The following LRRC38 variants were observed in gnomAD, a reference collection of about 807,000 sequenced individuals.
The protein encoded by LRRC38 is leucine-rich repeat-containing protein 38.
Under a neutral mutation model 16.4 loss-of-function variants are expected in LRRC38, and 5 were observed. The observed-to-expected ratio is 0.31, with a 90% CI of 0.16 to 0.64. LRRC38 has a LOEUF of 0.64. LRRC38 is among the 30% of genes least tolerant of loss of function. LRRC38 has a pLI of 0.80. For synonymous variants in LRRC38, 191 were observed against 190.2 expected (o/e 1.00, Z -0.04); for missense variants, 341 against 401.8 (o/e 0.85, Z 1.29).
chr1:13,505,786 G>T (rs1246175894), intron 1 of LRRC38, among the ~76,000 whole-genome samples: 1 of 152,112 alleles, frequency 6.6e-6, no homozygotes, highest in Non-Finnish European at 1.5e-5. Flanking sequence ...GAAGATCGGG[G>T]TCGGGGGAGG....
intron 1 of LRRC38, among the ~76,000 whole-genome samples, chr1:13,506,582 C>T (rs568531906): frequency 2.6e-5 from 4 of 152,332 alleles, no homozygotes; most frequent in South Asian, 4.1e-4. Flanking sequence ...CTCAGCCTCC[C>T]AAGTAGCTGG....
intron 1 of LRRC38, among the ~76,000 whole-genome samples, chr1:13,512,706 G>C (rs1053958011): frequency 6.6e-6 from 1 of 152,168 alleles, no homozygotes; most frequent in Non-Finnish European, 1.5e-5. Context: ...CCCGAGAAGG[G>C]GAAGGTCCCT....
chr1:13,480,378 C>T (rs1054064857), intron 1 of LRRC38, among the ~76,000 whole-genome samples: 2 of 152,190 alleles, frequency 1.3e-5, no homozygotes, highest in Admixed American at 6.6e-5. Context: ...GACATTGCTA[C>T]GTGTCCCCTG....
At chr1:13,510,776 C>T (rs1381788734) in intron 1 of LRRC38, among the ~76,000 whole-genome samples, 1 of 152,196 alleles carries the variant, frequency 6.6e-6, no homozygotes, top group Non-Finnish European at 1.5e-5. Context: ...GACACCATTA[C>T]CACATTCTGA....
At chr1:13,494,003 C>T (rs1458588362) in intron 1 of LRRC38, among the ~76,000 whole-genome samples, 2 of 152,152 alleles carry the variant, frequency 1.3e-5, no homozygotes, top group African/African-American at 2.4e-5. Context: ...GCGGAGGTTG[C>T]GGTGAGCCAA....
rs1307753891 is a variant in LRRC38 at position 13,512,968 on chromosome 1, G to A, written c.626C>T (p.Pro209Leu). Residue 209 changes from proline to leucine, a missense_variant, in exon 1 of 2, where the codon CCC becomes CTC. Physicochemically the swap from Pro to Leu is moderately conservative, Grantham distance 98 (BLOSUM62 -3). Coordinates refer to ENST00000376085, the MANE Select transcript of LRRC38 (RefSeq NM_001010847.2). ...SWIQENASKL[P>L]KGLDEIQCSL... ...GCCTAGCCGGCTCGGCTCACCTTTG[G>A]GCAGTTTGGATGCGTTCTCCTGGAT... 2.0e-5 allele frequency: 30 copies of A among 1,502,912 alleles called. No homozygotes were observed. Among genetic ancestry groups the A allele is most frequent in the Non-Finnish European group, 2.7e-5 (30 of 1,119,734 alleles). 93.1% of individuals were successfully genotyped at this position (1,502,912 alleles called of 1,614,324 possible). A position where few individuals can be genotyped will look rare whatever the true frequency, so the allele number is the denominator to read the frequency against.
In LRRC38 at chr1:13,488,559, C is replaced by T. The variant is rs549991422; in HGVS notation, c.632-12460G>A. ...TGCTGGGATTTCAGGCCTGAGCCAC[C>T]GTGACTGGCTGAACACATTCTTAAT... On this transcript the variant is annotated intron_variant, in intron 1 of 1. Transcript: ENST00000376085. 1.1e-4 allele frequency among the ~76,000 whole-genome samples: 17 copies of T among 152,240 alleles called. 1 individual carries two copies. The highest frequency in any genetic ancestry group is 7.9e-4 in the Admixed American group (12 of 15,286).
Position 13,513,214 on chromosome 1 carries a change from G to A in LRRC38, c.380C>T (p.Ala127Val). 6.4e-7 allele frequency: 1 copy of A among 1,550,512 alleles called. No individual in the cohort carries two copies. Among genetic ancestry groups the A allele is most frequent in the Non-Finnish European group, 8.7e-7 (1 of 1,146,972 alleles). ...CAGGCTAAGCTTCACCAGCCTCCCG[G>A]CCGAGCGGAAGGCGCCGGCGCCCAG... The part of the protein sequence containing the change: ...TQLGAGAFRS[A>V]GRLVKLSLAN... Residue 127 changes from alanine (A) to valine (V), a missense_variant, in exon 1 of 2, where the codon GCC becomes GTC. Ala to Val is a moderately conservative substitution (Grantham distance 64, BLOSUM62 0). Transcript: ENST00000376085.
chr1:13,482,460 C>A (rs2940312), intron 1 of LRRC38, among the ~76,000 whole-genome samples: 2 of 151,768 alleles, frequency 1.3e-5, no homozygotes, highest in East Asian at 3.9e-4. Context: ...CACGCCTCTA[C>A]TCCCAGCTAC....
At chr1:13,493,331 G>A (rs1005484470) in intron 1 of LRRC38, among the ~76,000 whole-genome samples, 1 of 151,490 alleles carries the variant, frequency 6.6e-6, no homozygotes, top group Non-Finnish European at 1.5e-5. Flanking sequence ...TCGGGGTGGG[G>A]CCTTTGGGGT....
Position 13,475,648 on chromosome 1 carries a change from G to T in LRRC38, c.*198C>A. ...AGGAATAATTCCCTCCATCCTTCCT[G>T]GGCTTCTGTGCTCTGCTGATTCTAA... On this transcript the variant is annotated 3_prime_UTR_variant, in exon 2 of 2. Coordinates refer to ENST00000376085, the MANE Select transcript of LRRC38 (RefSeq NM_001010847.2). The surrounding 1 kb of genome is among the most constrained non-coding windows in gnomAD (Gnocchi z 4.3). The T allele has an allele frequency of 1.6e-6, 1 of 635,082 alleles. No individual in the cohort carries two copies. Among genetic ancestry groups the T allele is most frequent in the Non-Finnish European group, 2.6e-6 (1 of 378,340 alleles). 39.3% of individuals were successfully genotyped at this position (635,082 alleles called of 1,614,324 possible).
chr1:13,495,206 C>T (rs1417986815), intron 1 of LRRC38, among the ~76,000 whole-genome samples: 2 of 152,170 alleles, frequency 1.3e-5, no homozygotes, highest in Admixed American at 1.3e-4. Context: ...CACGGTGGGA[C>T]AGCCCCAGTG....
intron 1 of LRRC38, among the ~76,000 whole-genome samples, chr1:13,506,000 CA>C (rs1025041491): frequency 3.6e-5 from 5 of 140,106 alleles, no homozygotes; most frequent in African/African-American, 1.3e-4. Context: ...GGAAGGTTTC[CA>C]AATATGCCCT....
intron 1 of LRRC38, among the ~76,000 whole-genome samples, chr1:13,478,334 C>T (rs1638811731): frequency 6.6e-6 from 1 of 152,240 alleles, no homozygotes; most frequent in Non-Finnish European, 1.5e-5. Flanking sequence ...GAGGTAAGTA[C>T]TGTTATTATG....
intron 1 of LRRC38, among the ~76,000 whole-genome samples, chr1:13,503,672 C>T (rs534162827): frequency 3.9e-4 from 60 of 152,308 alleles, no homozygotes; most frequent in African/African-American, 1.4e-3. Flanking sequence ...CTCATTCCTG[C>T]ACTCCTTACC....
intron 1 of LRRC38, among the ~76,000 whole-genome samples, chr1:13,481,183 C>T (rs1638849619): frequency 6.6e-6 from 1 of 152,086 alleles, no homozygotes; most frequent in Non-Finnish European, 1.5e-5. Flanking sequence ...GCGATCTCGA[C>T]TCACCACAAC....
At chr1:13,500,892 T>C (rs7545978) in intron 1 of LRRC38, among the ~76,000 whole-genome samples, 29,731 of 151,966 alleles carry the variant, frequency 0.2, 4,156 homozygotes, top group East Asian at 0.4. Context: ...AAAAGATCAG[T>C]GGTCATGAGG....
Position 13,513,009 on chromosome 1 carries a change from G to A in LRRC38, c.585C>T (p.Ala195=), listed in dbSNP as rs1481575333. 4.5e-6 allele frequency: 7 copies of A among 1,549,554 alleles called. No individual in the cohort carries two copies. The Admixed American group carries it at 5.9e-5, about 13-fold the overall frequency. Residue 195 remains alanine (A), a synonymous_variant, in exon 1 of 2, where the codon GCC becomes GCT. Transcript: ENST00000376085. ...TCTCCTGGATCCAGGAGAAGAGGTG[G>A]GCGAAGTCACAGTCGCACAGCCAGG... ...GNPWLCDCDF[A]HLFSWIQENA...
Position 13,513,072 on chromosome 1 carries a change from C to T in LRRC38, c.522G>A (p.Ala174=). ...GACGCAGGGAGCGCAGCGCGGGCAG[C>T]GCGGCCAGGGCGGCCACGCTGAGGC... The part of the protein sequence containing the change: ...LRSLSVAALA[A]LPALRSLRLD... The change falls in exon 1 of 2, where the codon GCG becomes GCA. Residue 174 remains alanine, a synonymous_variant. Coordinates refer to ENST00000376085, the MANE Select transcript of LRRC38 (RefSeq NM_001010847.2). The T allele has an allele frequency of 6.5e-7, 1 of 1,550,240 alleles. No individual in the cohort carries two copies. The highest frequency in any genetic ancestry group is 8.7e-7 in the Non-Finnish European group (1 of 1,146,786).
Sources: gnomAD v4.1 joint callset for allele counts (sites outside exome capture counted in the v4.1 genomes callset) on GRCh38, gnomAD v4.1.1 for gene constraint, Gnocchi (gnomAD v3.1) non-coding constraint, MANE v1.5 for transcripts, NCBI Gene and HGNC (gene_info 2026-07-23, HGNC 2026-07-21) for gene names.